The following LPXN variants were observed in gnomAD, a reference collection of about 807,000 sequenced individuals.
LPXN encodes leupaxin.
In LPXN, 28 loss-of-function variants were observed where a neutral mutation model predicts 45.6. That is an observed-to-expected ratio of 0.61 (90% CI 0.45 to 0.84). The LOEUF (loss-of-function observed/expected upper bound fraction) is 0.84. Among genes scored for constraint, LPXN ranks in the 40% least tolerant of loss-of-function variants. The pLI, the probability that LPXN is intolerant of heterozygous loss-of-function variation, is 0.00. For synonymous variants in LPXN, 166 were observed against 169.9 expected, an observed-to-expected ratio of 0.98 and a Z score of 0.18; for missense variants, 459 against 475.0, an observed-to-expected ratio of 0.97 and a Z score of 0.31.
intron 2 of LPXN, among the ~76,000 whole-genome samples, chr11:58,568,627 C>T (rs891320022): frequency 1.3e-5 from 2 of 151,424 alleles, no homozygotes; most frequent in Non-Finnish European, 2.9e-5. Flanking sequence ...GAGCACTGTT[C>T]ACTGAATATG....
upstream of LPXN, among the ~76,000 whole-genome samples, chr11:58,577,023 C>T (rs555119177): frequency 1.3e-5 from 2 of 152,138 alleles, no homozygotes; most frequent in East Asian, 1.9e-4. Context: ...AAGTTCTGGG[C>T]TCAAGGGATC....
At chr11:58,575,636 AAAG>A (rs1244632508) in intron 1 of LPXN, 121 bp downstream of exon 1, 4 of 1,108,602 alleles carry the variant, frequency 3.6e-6, no homozygotes, top group African/African-American at 3.1e-5. Context: ...TGAGGACAGG[AAAG>A]AAGTGAAAAT....
intron 7 of LPXN, among the ~76,000 whole-genome samples, chr11:58,531,737 A>T (rs1590750721): frequency 1.3e-5 from 2 of 152,312 alleles, no homozygotes; most frequent in East Asian, 3.9e-4. Flanking sequence ...AAGAAGAGCA[A>T]CCCCAAGACA....
chr11:58,532,744 C>T (rs1252834397), intron 7 of LPXN, among the ~76,000 whole-genome samples: 5 of 152,202 alleles, frequency 3.3e-5, no homozygotes, highest in African/African-American at 1.2e-4. Flanking sequence ...CACCAATTAG[C>T]AAGATGTGGG....
chr11:58,560,916 C>A (rs1664012210), intron 3 of LPXN, among the ~76,000 whole-genome samples: 1 of 152,146 alleles, frequency 6.6e-6, no homozygotes, highest in Admixed American at 6.6e-5. Flanking sequence ...AGATTGTTTT[C>A]TAACTTTCAT....
chr11:58,532,922 G>A (rs1194168613), intron 7 of LPXN, among the ~76,000 whole-genome samples: 2 of 152,058 alleles, frequency 1.3e-5, no homozygotes, highest in African/African-American at 2.4e-5. Context: ...CACTCACCGC[G>A]AAGGTCTGCA....
At chr11:58,573,241 C>A (rs1260384268) in intron 1 of LPXN, among the ~76,000 whole-genome samples, 1 of 123,908 alleles carries the variant, frequency 8.1e-6, no homozygotes, top group Non-Finnish European at 1.6e-5. Context: ...AGCAAAACTC[C>A]GTCTCAAAAA....
At chr11:58,552,852 A>T (rs1854090810) in intron 4 of LPXN, among the ~76,000 whole-genome samples, 1 of 152,150 alleles carries the variant, frequency 6.6e-6, no homozygotes, top group African/African-American at 2.4e-5. Flanking sequence ...CTACATCTAC[A>T]CCTACATCTC....
At position 58,527,471 on chromosome 11, in the gene LPXN, T is replaced by C; in HGVS notation, c.1144A>G (p.Lys382Glu). ...DKTYCQPCFN[K>E]LFPL Reference sequence around the variant, plus strand: ...AGTTGGCATTACAGTGGGAAGAGCTTATTGAAGCAAGGTTGACAATAGGTC... The same window carrying C: ...AGTTGGCATTACAGTGGGAAGAGCTCATTGAAGCAAGGTTGACAATAGGTC... The change falls in exon 9 of 9, where the codon AAG (lysine) becomes GAG (glutamate). Residue 382 changes from lysine (K) to glutamate (E), a missense_variant. Physicochemically the swap from Lys to Glu is moderately conservative, Grantham distance 56. Transcript: ENST00000395074. The C allele has an allele frequency of 6.2e-7, 1 of 1,614,220 alleles. No individual in the cohort carries two copies. The highest frequency in any genetic ancestry group is 1.3e-5 in the African/African-American group (1 of 75,056).
intron 1 of LPXN, 78 bp downstream of exon 1, chr11:58,575,682 G>C: frequency 1.3e-5 from 20 of 1,518,326 alleles, no homozygotes; most frequent in Non-Finnish European, 1.6e-5. Flanking sequence ...AGTCTAGCCA[G>C]AAGTATACCC....
intron 4 of LPXN, among the ~76,000 whole-genome samples, chr11:58,551,972 G>A (rs1854064999): frequency 6.6e-6 from 1 of 152,194 alleles, no homozygotes; most frequent in Non-Finnish European, 1.5e-5. Flanking sequence ...TAGAGCAGAG[G>A]GAGTGAGATT....
chr11:58,538,234 C>T (rs994407939), intron 7 of LPXN, among the ~76,000 whole-genome samples: 12 of 152,074 alleles, frequency 7.9e-5, no homozygotes, highest in East Asian at 3.9e-4. Context: ...CATAAACATA[C>T]GTGTGCATGT....
Position 58,527,987 on chromosome 11 carries a change from C to G in LPXN, c.891+56G>C, listed in dbSNP as rs1375866523. 50 of 1,571,364 alleles carry G rather than the reference C, an allele frequency of 3.2e-5. 1 individual carries two copies. Among genetic ancestry groups the G allele is most frequent in the Non-Finnish European group, 4.3e-5 (50 of 1,154,786 alleles). ...TTTCACTAACTGCAGCTCTTCCTCT[C>G]AGAGAGGAGAACCCTTGACTTTCCC... On this transcript the variant is annotated intron_variant, in intron 8 of 8. Coordinates refer to ENST00000395074, the MANE Select transcript of LPXN (RefSeq NM_004811.3).
intron 7 of LPXN, among the ~76,000 whole-genome samples, chr11:58,545,440 C>A (rs1330293844): frequency 6.6e-6 from 1 of 152,144 alleles, no homozygotes; most frequent in Non-Finnish European, 1.5e-5. Context: ...AATTCTCAGA[C>A]TTTTATGGCT....
intron 8 of LPXN, 147 bp from the exon 9 acceptor site, chr11:58,527,870 T>C: frequency 8.9e-7 from 1 of 1,124,964 alleles, no homozygotes; most frequent in South Asian, 1.6e-5. Flanking sequence ...GAGACTAGAT[T>C]TCCCGCTTGC....
intron 7 of LPXN, among the ~76,000 whole-genome samples, chr11:58,548,964 G>A (rs962538888): frequency 6.6e-5 from 10 of 152,128 alleles, no homozygotes; most frequent in Non-Finnish European, 1.2e-4. Context: ...TGAAAAAACA[G>A]GGGAGGGGAA....
intron 4 of LPXN, among the ~76,000 whole-genome samples, 186 bp from the exon 5 acceptor site, chr11:58,551,418 A>G (rs913429708): frequency 2.6e-5 from 4 of 152,182 alleles, no homozygotes; most frequent in Admixed American, 2.6e-4. Flanking sequence ...CTTTCATCCT[A>G]AACTCCTCAG....
intron 3 of LPXN, among the ~76,000 whole-genome samples, chr11:58,555,761 C>T (rs1309487478): frequency 1.3e-5 from 1 of 75,566 alleles, no homozygotes; most frequent in Non-Finnish European, 3.1e-5. Flanking sequence ...CACACACTCA[C>T]ACACATGCAC....
rs541363111 is a variant in LPXN, at chr11:58,540,672, T to C, written c.742+9114A>G. Among the ~76,000 whole-genome samples, 3 of 152,260 alleles carry C rather than the reference T, an allele frequency of 2.0e-5. No individual in the cohort carries two copies. In the South Asian group the frequency reaches 6.2e-4, roughly 32 times the overall value. On this transcript the variant is annotated intron_variant, in intron 7 of 8. Coordinates refer to ENST00000395074, the MANE Select transcript of LPXN (RefSeq NM_004811.3). ...TTTAGACTGTACTATAATAAAAACATTTAAAAAGCAATTTGTTGAGGTATA... is the reference window on the plus strand; with the variant it reads ...TTTAGACTGTACTATAATAAAAACACTTAAAAAGCAATTTGTTGAGGTATA...
Sources: allele counts gnomAD v4.1 joint callset (sites outside exome capture counted in the v4.1 genomes callset), GRCh38; gene constraint gnomAD v4.1.1; transcripts MANE v1.5; gene names NCBI Gene and HGNC (gene_info 2026-07-23, HGNC 2026-07-21).